The following DMD variants were observed in gnomAD, a reference collection of about 807,000 sequenced individuals.
DMD encodes the protein dystrophin, also known as mutant dystrophin.
Under a neutral mutation model 330.1 loss-of-function variants are expected in DMD, and 63 were observed. The observed-to-expected ratio is 0.19, with a 90% CI of 0.16 to 0.24. The LOEUF is 0.24. Among genes scored for constraint, DMD ranks in the 10% least tolerant of loss-of-function variants. The pLI, the probability that DMD is intolerant of heterozygous loss-of-function variation, is 1.00. For missense variants in DMD, 3,344 were observed against 2,684.1 expected (o/e 1.25, Z -5.43); for synonymous variants, 1,223 against 959.8 (o/e 1.27, Z -5.07).
At position 32,625,214 on chromosome X, in the gene DMD, A is replaced by G. The variant is rs746513394; in HGVS notation, c.1332-10761T>C. On this transcript the variant is annotated intron_variant, in intron 11 of 78. Transcript: ENST00000357033. ...AATGTAGGAAGGCAATTATTCTTTA[A>G]CCAGTGTTGTCCAGAACTTACTAAA... is the stretch of plus-strand genomic sequence containing the variant. Among the ~76,000 whole-genome samples the G allele has an allele frequency of 3.6e-5, 4 of 112,224 alleles. No individual in the cohort carries two copies. In the East Asian group the frequency reaches 1.1e-3, roughly 31 times the overall value.
At chrX:31,266,685 G>A in intron 62 of DMD, 3 of 714,281 alleles carry the variant, frequency 4.2e-6, no homozygotes, top group South Asian at 4.6e-5. Context: ...ACGCCCAGCC[G>A]CCCGGCGCCC....
intron 33 of DMD, among the ~76,000 whole-genome samples, chrX:32,381,779 G>A (rs2097926069): frequency 9.0e-6 from 1 of 110,880 alleles, no homozygotes; most frequent in Non-Finnish European, 1.9e-5. Flanking sequence ...TCTTTGGTAT[G>A]TGTTTTCACC....
At chrX:31,958,755 A>T in intron 45 of DMD, among the ~76,000 whole-genome samples, 1 of 112,135 alleles carries the variant, frequency 8.9e-6, no homozygotes, top group Admixed American at 9.4e-5. Flanking sequence ...CCATCTCTAC[A>T]TTGACAGCAA....
intron 60 of DMD, among the ~76,000 whole-genome samples, chrX:31,380,153 A>G (rs909229059): frequency 3.6e-5 from 4 of 110,636 alleles, no homozygotes; most frequent in Non-Finnish European, 7.6e-5. Context: ...GTAGGTATTG[A>G]CGGCCAGGCT....
chrX:31,842,989 C>G (rs1327270304), intron 48 of DMD, among the ~76,000 whole-genome samples: 1 of 111,713 alleles, frequency 9.0e-6, no homozygotes, highest in Non-Finnish European at 1.9e-5. Context: ...TTTTCTGTTC[C>G]TACTAATTCA....
chrX:32,608,484 T>C (rs1423449779), intron 12 of DMD, among the ~76,000 whole-genome samples: 2 of 110,013 alleles, frequency 1.8e-5, no homozygotes, highest in Non-Finnish European at 3.8e-5. Flanking sequence ...GCAACAGAGA[T>C]AGAAGGAAAA....
chrX:32,502,635 T>C lies in DMD; in HGVS notation c.2293-793A>G, dbSNP rs1182595942. 2.7e-5 allele frequency among the ~76,000 whole-genome samples: 3 copies of C among 112,289 alleles called. No homozygotes were observed. In the East Asian group the frequency reaches 8.3e-4, roughly 31 times the overall value. ...ATGTGTATGTCCTAAAACATAACTATTCAAATAACTATAACGCAATTAAAA... is the reference window on the plus strand; with the variant it reads ...ATGTGTATGTCCTAAAACATAACTACTCAAATAACTATAACGCAATTAAAA... On this transcript the variant is annotated intron_variant, in intron 18 of 78. Coordinates refer to ENST00000357033, the MANE Select transcript of DMD (RefSeq NM_004006.3).
chrX:31,536,674 T>G (rs956312037), intron 55 of DMD, among the ~76,000 whole-genome samples: 3 of 111,675 alleles, frequency 2.7e-5, no homozygotes, highest in African/African-American at 9.8e-5. Flanking sequence ...ACTTAACCTT[T>G]CACCAAACTT....
chrX:32,866,475 G>A (rs2082486677), intron 2 of DMD, among the ~76,000 whole-genome samples: 1 of 110,626 alleles, frequency 9.0e-6, no homozygotes, highest in Admixed American at 9.6e-5. Context: ...TTTTAAAAGA[G>A]CCCTAGGAGT....
At chrX:31,845,054 G>GTATACATA (rs770729132) in intron 48 of DMD, among the ~76,000 whole-genome samples, 6 of 82,402 alleles carry the variant, frequency 7.3e-5, no homozygotes, top group Middle Eastern at 5.8e-3. Context: ...ATGTATATGT[G>GTATACATA]TGTATATATA....
chrX:33,324,689 C>T (rs142364146), intron 1 of DMD, among the ~76,000 whole-genome samples: 47 of 111,150 alleles, frequency 4.2e-4, no homozygotes, highest in African/African-American at 1.4e-3. Context: ...TTCTCTTATT[C>T]TCCCACACAC....
chrX:32,110,010 T>C (rs1490780168), intron 44 of DMD, among the ~76,000 whole-genome samples: 5 of 111,975 alleles, frequency 4.5e-5, no homozygotes, highest in Non-Finnish European at 9.4e-5. Flanking sequence ...TCATTATTTT[T>C]CAATGGCTAT....
chrX:31,702,521 C>T (rs1326193035), intron 52 of DMD, among the ~76,000 whole-genome samples: 1 of 111,646 alleles, frequency 9.0e-6, no homozygotes, highest in South Asian at 3.7e-4. Flanking sequence ...AAGAAGATGC[C>T]GAGTCACTTC....
At chrX:32,357,682 C>T (rs905483181) in intron 37 of DMD, among the ~76,000 whole-genome samples, 1 of 109,407 alleles carries the variant, frequency 9.1e-6, no homozygotes, top group African/African-American at 3.3e-5. Context: ...CACACACACA[C>T]ACACACACAC....
At chrX:31,544,323 CAAA>C (rs756215454) in intron 55 of DMD, among the ~76,000 whole-genome samples, 10 of 50,859 alleles carry the variant, frequency 2.0e-4, no homozygotes, top group African/African-American at 2.4e-4. Context: ...GACTCCGTCT[CAAA>C]AAAAAAAAAA....
intron 60 of DMD, among the ~76,000 whole-genome samples, chrX:31,375,627 ATAATTC>A (rs2059847766): frequency 8.9e-6 from 1 of 111,814 alleles, no homozygotes; most frequent in Non-Finnish European, 1.9e-5. Flanking sequence ...CAAATACTGT[ATAATTC>A]CGCTTACATG....
chrX:31,298,122 G>A lies in DMD; in HGVS notation c.9224+25476C>T, dbSNP rs770263620. On this transcript the variant is annotated intron_variant, in intron 62 of 78. Coordinates refer to ENST00000357033, the MANE Select transcript of DMD (RefSeq NM_004006.3). Reference sequence around the variant, plus strand: ...TCTAGTCCTTACATGTAATGGAGAAGACTGCTATGATTCATCTTGAAAAGT... The same window carrying A: ...TCTAGTCCTTACATGTAATGGAGAAAACTGCTATGATTCATCTTGAAAAGT... 2.7e-5 allele frequency among the ~76,000 whole-genome samples: 3 copies of A among 111,836 alleles called. No homozygotes were observed. The South Asian group carries it at 1.1e-3, about 43-fold the overall frequency.
At chrX:31,351,145 T>TAA (rs928379616) in intron 60 of DMD, among the ~76,000 whole-genome samples, 1 of 93,315 alleles carries the variant, frequency 1.1e-5, no homozygotes, top group African/African-American at 4.4e-5. Flanking sequence ...CACACACACA[T>TAA]AGACATACAT....
At position 31,890,149 on chromosome X, in the gene DMD, A is replaced by AG. The variant is rs768902463; in HGVS notation, c.6913-14777dup. Among the ~76,000 whole-genome samples the AG allele has an allele frequency of 3.9e-3, 426 of 109,253 alleles. 3 individuals carry two copies. The highest frequency in any genetic ancestry group is 0.013 in the African/African-American group (398 of 30,167). The allele number at this position is 109,253 out of a possible 115,157, so 94.9% of individuals were successfully genotyped here. ...CACTGTACTTCAGAATATGGATTTC[A>AG]GGGGGGGAAAGAAAGGGAAAACTAC... On this transcript the variant is annotated intron_variant, in intron 47 of 78. Transcript: ENST00000357033.
Sources: gnomAD v4.1 joint callset for allele counts (sites outside exome capture counted in the v4.1 genomes callset) on GRCh38, gnomAD v4.1.1 for gene constraint, MANE v1.5 for transcripts, NCBI Gene and HGNC (gene_info 2026-07-23, HGNC 2026-07-21) for gene names.